Variants in PCDHGA5 observed in about 807,000 individuals in gnomAD.
PCDHGA5 encodes the protein protocadherin gamma-A5.
In PCDHGA5, 36 loss-of-function variants were observed where a neutral mutation model predicts 56.7. That is an observed-to-expected ratio of 0.64 (90% confidence interval 0.49 to 0.84). PCDHGA5 has a LOEUF of 0.84. Ranked by LOEUF, PCDHGA5 falls within the 40% of genes least tolerant of loss-of-function variation. The pLI is 0.00. For synonymous variants in PCDHGA5, 563 were observed against 520.2 expected (o/e 1.08, Z -1.12); for missense variants, 1,305 against 1,201.5 (o/e 1.09, Z -1.27).
At chr5:141,449,261 G>A (rs148515123) in intron 1 of PCDHGA5, among the ~76,000 whole-genome samples, 101 of 152,156 alleles carry the variant, frequency 6.6e-4, no homozygotes, top group Non-Finnish European at 1.3e-3. Flanking sequence ...ATTGTACAAA[G>A]AACTGTATCT....
intron 3 of PCDHGA5, 134 bp downstream of exon 3, chr5:141,505,615 C>T: frequency 2.0e-6 from 3 of 1,504,946 alleles, no homozygotes; most frequent in Non-Finnish European, 1.8e-6. Flanking sequence ...TCTGAAAGGA[C>T]CCACAATTCC....
Position 141,510,980 on chromosome 5 carries a change from G to C in PCDHGA5, c.2603G>C (p.Gly868Ala), listed in dbSNP as rs1466168256. 12 of 1,614,170 alleles carry C rather than the reference G, an allele frequency of 7.4e-6. No individual in the cohort carries two copies. The highest frequency in any genetic ancestry group is 9.3e-6 in the Non-Finnish European group (11 of 1,180,014). ...AADGSSTLGG[G>A]AGTMGLSARY... ...GATGGGAGCTCCACCCTGGGAGGGG[G>C]TGCCGGCACCATGGGATTGAGCGCC... is the stretch of plus-strand genomic sequence containing the variant. Residue 868 changes from glycine (G) to alanine (A), a missense_variant, in exon 4 of 4, where the codon GGT becomes GCT. By Grantham distance (60) the Gly-to-Ala change is moderately conservative (BLOSUM62 0). Transcript: ENST00000518069.
intron 1 of PCDHGA5, chr5:141,372,064 A>G (rs534724571): frequency 1.2e-6 from 2 of 1,613,610 alleles, no homozygotes; most frequent in Non-Finnish European, 1.7e-6. Context: ...GACCGCAACG[A>G]CAATGCACCG....
intron 1 of PCDHGA5, chr5:141,372,254 C>A (rs776276298): frequency 5.6e-6 from 9 of 1,612,978 alleles, no homozygotes; most frequent in Admixed American, 1.7e-5. Flanking sequence ...TCAGCCTGGG[C>A]CTGCGCACGG....
chr5:141,409,129 T>G (rs781711972), intron 1 of PCDHGA5: 5 of 1,613,856 alleles, frequency 3.1e-6, no homozygotes, highest in Non-Finnish European at 4.2e-6. Flanking sequence ...CATTTGATTT[T>G]GAAGATGTAG....
chr5:141,456,285 G>T (rs2098848223), intron 1 of PCDHGA5, among the ~76,000 whole-genome samples: 1 of 152,134 alleles, frequency 6.6e-6, no homozygotes, highest in Non-Finnish European at 1.5e-5. Flanking sequence ...GCTGAAAAGG[G>T]GCGTCTAATG....
At position 141,403,830 on chromosome 5, in the gene PCDHGA5, A is replaced by G. The variant is rs763794433; in HGVS notation, c.2421+37079A>G. On this transcript the variant is annotated intron_variant, in intron 1 of 3. Coordinates refer to ENST00000518069, the MANE Select transcript of PCDHGA5 (RefSeq NM_018918.3). ...AATGAAAAACAATCTCTGCTATTCC[A>G]GCTTAATGAAAATACTGGGGAAATA... The G allele has an allele frequency of 3.7e-6, 6 of 1,613,754 alleles. No individual in the cohort carries two copies. In the Admixed American group the frequency reaches 5.0e-5, roughly 13 times the overall value.
At chr5:141,422,966 C>A (rs762530904) in intron 1 of PCDHGA5, 1 of 1,614,112 alleles carries the variant, frequency 6.2e-7, no homozygotes, top group Admixed American at 1.7e-5. Flanking sequence ...GAGCTGGCGC[C>A]CCGCTCTGCG....
chr5:141,478,387 C>T, intron 1 of PCDHGA5: 1 of 1,613,642 alleles, frequency 6.2e-7, no homozygotes, highest in Non-Finnish European at 8.5e-7. Context: ...CGCACCTTTA[C>T]CATCAGGTGT....
chr5:141,431,092 G>A lies in PCDHGA5; in HGVS notation c.2422-63715G>A. On this transcript the variant is annotated intron_variant, in intron 1 of 3. Coordinates refer to ENST00000518069, the MANE Select transcript of PCDHGA5 (RefSeq NM_018918.3). This position sits in a 1 kb window ranked among gnomAD's most constrained non-coding sequence, Gnocchi z 4.8. ...AATTAAATCTAGACATTCTGATGGAGGATAAAGTGAAAATATATGGAGTAG... is the reference window on the plus strand; with the variant it reads ...AATTAAATCTAGACATTCTGATGGAAGATAAAGTGAAAATATATGGAGTAG... 1 of 1,614,252 alleles carries A rather than the reference G, an allele frequency of 6.2e-7. No individual in the cohort carries two copies. The highest frequency in any genetic ancestry group is 1.1e-5 in the South Asian group (1 of 91,090).
chr5:141,425,528 C>T (rs2096881702), intron 1 of PCDHGA5, among the ~76,000 whole-genome samples: 1 of 152,200 alleles, frequency 6.6e-6, no homozygotes, highest in African/African-American at 2.4e-5. Context: ...AAACATGAAA[C>T]AATAATCCTT....
At position 141,431,906 on chromosome 5, in the gene PCDHGA5, A is replaced by G; in HGVS notation, c.2422-62901A>G. 1 of 1,613,868 alleles carries G rather than the reference A, an allele frequency of 6.2e-7. No individual in the cohort carries two copies. Among genetic ancestry groups the G allele is most frequent in the Non-Finnish European group, 8.5e-7 (1 of 1,179,692 alleles). On this transcript the variant is annotated intron_variant, in intron 1 of 3. Transcript: ENST00000518069. This position sits in a 1 kb window ranked among gnomAD's most constrained non-coding sequence, Gnocchi z 4.8. ...AGATTCTGAGGAAAACGGACAGGTG[A>G]TCTGTTTCATCCAAGGAAATCTGCC...
chr5:141,433,199 ATCT>A (rs1202688924), intron 1 of PCDHGA5: 4 of 1,579,570 alleles, frequency 2.5e-6, no homozygotes, highest in East Asian at 2.2e-5. Context: ...TTTATATCAA[ATCT>A]TCTTTCTTTT....
At chr5:141,382,637 G>A (rs993305735) in intron 1 of PCDHGA5, 3 of 381,072 alleles carry the variant, frequency 7.9e-6, no homozygotes, top group African/African-American at 2.1e-5. Context: ...TCAATGTGGT[G>A]CAGTAACTTA....
intron 1 of PCDHGA5, chr5:141,419,521 C>T (rs1418329404): frequency 1.2e-6 from 2 of 1,612,122 alleles, no homozygotes; most frequent in East Asian, 2.2e-5. Context: ...TGGTGGGCGA[C>T]CGTAACGACA....
intron 1 of PCDHGA5, among the ~76,000 whole-genome samples, chr5:141,481,789 T>TAAAAATAC (rs972511310): frequency 3.3e-5 from 5 of 151,186 alleles, no homozygotes; most frequent in African/African-American, 1.2e-4. Flanking sequence ...CCGTCTCTAC[T>TAAAAATAC]AAAAATACAA....
chr5:141,489,729 C>T lies in PCDHGA5; in HGVS notation c.2422-5078C>T, dbSNP rs760195181. ...ACAGTGCCCAGGATCCGGATGTGGGCACCAATACTGTGAGCTTTTACACTC... is the reference window on the plus strand; with the variant it reads ...ACAGTGCCCAGGATCCGGATGTGGGTACCAATACTGTGAGCTTTTACACTC... On this transcript the variant is annotated intron_variant, in intron 1 of 3. Transcript: ENST00000518069. The surrounding 1 kb of genome is among the most constrained non-coding windows in gnomAD (Gnocchi z 4.5). 2.5e-6 allele frequency: 4 copies of T among 1,614,152 alleles called. No individual in the cohort carries two copies. The highest frequency in any genetic ancestry group is 2.2e-5 in the East Asian group (1 of 44,876).
intron 1 of PCDHGA5, chr5:141,419,399 G>T (rs893535249): frequency 6.2e-7 from 1 of 1,613,470 alleles, no homozygotes. Context: ...GAGCGGGGTG[G>T]TGTTCGCGCA....
chr5:141,372,398 G>A lies in PCDHGA5; in HGVS notation c.2421+5647G>A, dbSNP rs772578154. The stretch of plus-strand genomic sequence containing the variant: ...TGCACCTAATCTTCGCAGATAGCTT[G>A]CAAGAGATACAACCTGACCTTAGCG... On this transcript the variant is annotated intron_variant, in intron 1 of 3. Transcript: ENST00000518069. 22 of 1,614,058 alleles carry A rather than the reference G, an allele frequency of 1.4e-5. No individual in the cohort carries two copies. The East Asian group carries it at 4.9e-4, about 36-fold the overall frequency.
Sources: allele counts gnomAD v4.1 joint callset (sites outside exome capture counted in the v4.1 genomes callset), GRCh38; gene constraint gnomAD v4.1.1; non-coding constraint Gnocchi (gnomAD v3.1); transcripts MANE v1.5; gene names NCBI Gene and HGNC (gene_info 2026-07-23, HGNC 2026-07-21).